Variants in MBNL2 observed in about 807,000 individuals in gnomAD.
The protein encoded by MBNL2 is muscleblind-like protein 2.
Under a neutral mutation model 41.9 loss-of-function variants are expected in MBNL2, and 17 were observed. The ratio of observed to expected loss-of-function variants is 0.41; its 90% CI spans 0.28 to 0.61. The LOEUF (loss-of-function observed/expected upper bound fraction) is 0.61. Ranked by LOEUF, MBNL2 falls within the 20% of genes least tolerant of loss-of-function variation. The pLI is 0.35. For synonymous variants in MBNL2, 195 were observed against 182.9 expected (o/e 1.07, Z -0.53); for missense variants, 336 against 505.6 (o/e 0.66, Z 3.22).
chr13:97,361,422 G>C (rs540811884), intron 7 of MBNL2, among the ~76,000 whole-genome samples: 1 of 152,312 alleles, frequency 6.6e-6, no homozygotes, highest in East Asian at 1.9e-4. Context: ...GGATGGGAGT[G>C]TTGTACAAAG....
chr13:97,300,772 A>G (rs2057540188), intron 2 of MBNL2, among the ~76,000 whole-genome samples: 1 of 152,220 alleles, frequency 6.6e-6, no homozygotes, highest in Non-Finnish European at 1.5e-5. Context: ...ACTGGATTAT[A>G]AATTTGTAAA....
At position 97,279,783 on chromosome 13, in the gene MBNL2, C is replaced by T. The variant is rs747539089; in HGVS notation, c.174+3374C>T. Among the ~76,000 whole-genome samples, 14 of 151,976 alleles carry T rather than the reference C, an allele frequency of 9.2e-5. 1 individual carries two copies. The highest frequency in any genetic ancestry group is 3.4e-4 in the African/African-American group (14 of 41,370). On this transcript the variant is annotated intron_variant, in intron 2 of 8. Coordinates refer to ENST00000679496, the MANE Select transcript of MBNL2 (RefSeq NM_001382683.1). ...ATTTACAAATATGAGTAAACTTTTC[C>T]GTAAGTATGTACTAAATTTGTTGGT...
At chr13:97,325,837 T>C (rs773004070) in intron 2 of MBNL2, among the ~76,000 whole-genome samples, 2 of 152,242 alleles carry the variant, frequency 1.3e-5, no homozygotes, top group Non-Finnish European at 2.9e-5. Flanking sequence ...GTTGTTATGC[T>C]TTGTTTATTT....
intron 1 of MBNL2, among the ~76,000 whole-genome samples, chr13:97,228,780 T>C (rs1048276333): frequency 6.6e-6 from 1 of 152,082 alleles, no homozygotes; most frequent in Non-Finnish European, 1.5e-5. Context: ...TCCACCCGCC[T>C]CAGCCTCCCA....
At chr13:97,271,798 C>G (rs1310566100) in intron 1 of MBNL2, among the ~76,000 whole-genome samples, 1 of 152,114 alleles carries the variant, frequency 6.6e-6, no homozygotes, top group East Asian at 1.9e-4. Context: ...GTATATGTAC[C>G]ACATTTTCTT....
intron 1 of MBNL2, among the ~76,000 whole-genome samples, chr13:97,225,270 G>C (rs2041426688): frequency 6.6e-6 from 1 of 152,132 alleles, no homozygotes. Context: ...CCTTATAGTA[G>C]AATAAGTAGG....
At chr13:97,306,408 C>A (rs905846416) in intron 2 of MBNL2, among the ~76,000 whole-genome samples, 1 of 152,230 alleles carries the variant, frequency 6.6e-6, no homozygotes, top group Admixed American at 6.5e-5. Flanking sequence ...CTTTTTCTCA[C>A]TTTCTTCAAA....
At chr13:97,193,996 G>C in the MBNL2 span, among the ~76,000 whole-genome samples, 1 of 152,106 alleles carries the variant, frequency 6.6e-6, no homozygotes, top group Non-Finnish European at 1.5e-5. Context: ...AATGTTACTT[G>C]GAACATCCTT....
chr13:97,334,438 G>T lies in MBNL2; in HGVS notation c.337G>T (p.Val113Leu). The T allele has an allele frequency of 6.2e-7, 1 of 1,609,094 alleles. No individual in the cohort carries two copies. Among genetic ancestry groups the T allele is most frequent in the Non-Finnish European group, 8.5e-7 (1 of 1,176,914 alleles). Reference sequence around the variant, plus strand: ...GTTTCCAGGAACACCACTTCATCCAGTGGTGAGTACATCTTTATTCAGTGA... The same window carrying T: ...GTTTCCAGGAACACCACTTCATCCATTGGTGAGTACATCTTTATTCAGTGA... Reference protein sequence around the residue: ...FMFPGTPLHPVPTFPVGPAIG... With the variant: ...FMFPGTPLHPLPTFPVGPAIG... The change falls in exon 3 of 9, where the codon GTG becomes TTG. Residue 113 changes from valine (V) to leucine (L), a missense_variant and splice_region_variant. Transcript: ENST00000679496. The surrounding 1 kb of genome is among the most constrained non-coding windows in gnomAD (Gnocchi z 5.3).
At chr13:97,261,546 A>G (rs1484791242) in intron 1 of MBNL2, among the ~76,000 whole-genome samples, 1 of 152,078 alleles carries the variant, frequency 6.6e-6, no homozygotes, top group Non-Finnish European at 1.5e-5. Flanking sequence ...GGGTAGATGG[A>G]GACAGCATAA....
the MBNL2 span, among the ~76,000 whole-genome samples, chr13:97,187,799 C>G: frequency 6.6e-6 from 1 of 151,424 alleles, no homozygotes; most frequent in Non-Finnish European, 1.5e-5. Context: ...CCCAGCTACT[C>G]CGGAGGCTGA....
chr13:97,271,215 A>C (rs2050916490), intron 1 of MBNL2, among the ~76,000 whole-genome samples: 1 of 148,814 alleles, frequency 6.7e-6, no homozygotes, highest in Non-Finnish European at 1.5e-5. Context: ...TCCTAGGTTC[A>C]AGCAATTCTC....
chr13:97,189,108 G>A, the MBNL2 span, among the ~76,000 whole-genome samples: 51 of 151,934 alleles, frequency 3.4e-4, no homozygotes, highest in East Asian at 7.3e-3. Flanking sequence ...CACTCAGGCT[G>A]GTCTCAAACT....
intron 5 of MBNL2, among the ~76,000 whole-genome samples, chr13:97,355,682 T>G (rs1355811499): frequency 6.6e-6 from 1 of 152,190 alleles, no homozygotes; most frequent in Non-Finnish European, 1.5e-5. Context: ...ATATTTGTTT[T>G]TATTTCAGTT....
intron 1 of MBNL2, among the ~76,000 whole-genome samples, chr13:97,264,430 G>A (rs551129788): frequency 1.8e-4 from 28 of 152,214 alleles, no homozygotes; most frequent in African/African-American, 6.3e-4. Context: ...ATTTGTACCC[G>A]TTACATTCAT....
At chr13:97,166,505 T>C in the MBNL2 span, among the ~76,000 whole-genome samples, 1 of 152,126 alleles carries the variant, frequency 6.6e-6, no homozygotes, top group African/African-American at 2.4e-5. Context: ...GTCTGTGGGC[T>C]GGGAAAGGCA....
At chr13:97,175,181 TA>T in the MBNL2 span, among the ~76,000 whole-genome samples, 327 of 152,274 alleles carry the variant, frequency 2.1e-3, 3 homozygotes, top group African/African-American at 7.5e-3. Flanking sequence ...CAAGCCACTC[TA>T]AAAACTACAC....
At chr13:97,144,928 CATT>C in the MBNL2 span, among the ~76,000 whole-genome samples, 1 of 152,180 alleles carries the variant, frequency 6.6e-6, no homozygotes, top group East Asian at 1.9e-4. Context: ...CAGTGGTACT[CATT>C]AGGCGAATTT....
chr13:97,307,609 A>G lies in MBNL2; in HGVS notation c.175-26667A>G, dbSNP rs145190861. ...AACAGGAAGGGAAAAATAAATTCAA[A>G]AGCTCCCTTGTGCAGATTTGTGATA... is the stretch of plus-strand genomic sequence containing the variant. On this transcript the variant is annotated intron_variant, in intron 2 of 8. Transcript: ENST00000679496. Among the ~76,000 whole-genome samples, 21 of 152,326 alleles carry G rather than the reference A, an allele frequency of 1.4e-4. No homozygotes were observed. In the East Asian group the frequency reaches 3.1e-3, roughly 22 times the overall value.
Sources: allele counts gnomAD v4.1 joint callset (sites outside exome capture counted in the v4.1 genomes callset), GRCh38; gene constraint gnomAD v4.1.1; non-coding constraint Gnocchi (gnomAD v3.1); transcripts MANE v1.5; gene names NCBI Gene and HGNC (gene_info 2026-07-23, HGNC 2026-07-21).